FMO5: variants seen among roughly 807,000 people sequenced by gnomAD.
FMO5 encodes the protein flavin containing dimethylaniline monoxygenase 5.
A neutral mutation model predicts 43.6 loss-of-function variants in FMO5; 51 were observed. The ratio of observed to expected loss-of-function variants is 1.17; its 90% CI spans 0.93 to 1.48. FMO5 has a LOEUF of 1.48. Among genes scored for constraint, FMO5 ranks in the 40% most tolerant of loss-of-function variants. The pLI is 0.00. For missense variants in FMO5, 644 were observed against 643.0 expected, an observed-to-expected ratio of 1.00 and a Z score of -0.02; for synonymous variants, 187 against 216.5, an observed-to-expected ratio of 0.86 and a Z score of 1.20.
intron 6 of FMO5, among the ~76,000 whole-genome samples, chr1:147,207,254 T>C (rs1660259912): frequency 6.6e-6 from 1 of 152,212 alleles, no homozygotes; most frequent in African/African-American, 2.4e-5. Context: ...ATGTATGCTC[T>C]ATATGTATGG....
intron 3 of FMO5, among the ~76,000 whole-genome samples, chr1:147,214,122 C>T (rs1317143743): frequency 2.0e-5 from 3 of 152,138 alleles, no homozygotes; most frequent in East Asian, 1.9e-4. Flanking sequence ...TGTGCTTCTA[C>T]GGGCCCATGA....
intron 2 of FMO5, chr1:147,224,044 C>G (rs1251670546): frequency 7.4e-6 from 3 of 405,864 alleles, no homozygotes; most frequent in Non-Finnish European, 1.5e-5. Context: ...CGGATCCCAT[C>G]GAGCTGGTTG....
chr1:147,206,923 T>TA (rs1660195762), intron 6 of FMO5, among the ~76,000 whole-genome samples: 1 of 151,796 alleles, frequency 6.6e-6, no homozygotes, highest in South Asian at 2.1e-4. Flanking sequence ...CCCTAGAACT[T>TA]AAAGTATAAT....
chr1:147,197,853 GC>G lies in FMO5; in HGVS notation c.1183+3298del, dbSNP rs1345992210. Among the ~76,000 whole-genome samples, 4 of 152,146 alleles carry G rather than the reference GC, an allele frequency of 2.6e-5. No individual in the cohort carries two copies. The East Asian group carries it at 7.7e-4, about 29-fold the overall frequency. The stretch of plus-strand genomic sequence containing the variant: ...CTGTATGGTCATATTTGCTTCTCCA[GC>G]CCCTAGCAGAAGGCCTGGTACATAC... On this transcript the variant is annotated intron_variant, in intron 7 of 8. Transcript: ENST00000254090.
intron 7 of FMO5, among the ~76,000 whole-genome samples, chr1:147,195,813 C>T (rs1223214038): frequency 6.6e-6 from 1 of 152,098 alleles, no homozygotes; most frequent in African/African-American, 2.4e-5. Flanking sequence ...TACAAGCATT[C>T]TTTCTACAAG....
upstream of FMO5, among the ~76,000 whole-genome samples, chr1:147,226,212 G>A (rs1437619242): frequency 1.3e-5 from 2 of 151,632 alleles, no homozygotes; most frequent in Non-Finnish European, 2.9e-5. Context: ...CCTTCCTTAA[G>A]ATGATCCTGC....
chr1:147,209,782 C>G (rs781908508), intron 5 of FMO5: 1 of 152,192 alleles, frequency 6.6e-6, no homozygotes, highest in Non-Finnish European at 1.5e-5. Flanking sequence ...CACTTATCAC[C>G]TGTAGAACTC....
intron 2 of FMO5, among the ~76,000 whole-genome samples, chr1:147,218,501 G>T (rs960705970): frequency 6.6e-6 from 1 of 152,112 alleles, no homozygotes; most frequent in Non-Finnish European, 1.5e-5. Flanking sequence ...CTCCCAAAGT[G>T]CTGGGATTAC....
chr1:147,211,736 G>A (rs1661095306), intron 5 of FMO5, among the ~76,000 whole-genome samples: 1 of 152,108 alleles, frequency 6.6e-6, no homozygotes, highest in African/African-American at 2.4e-5. Flanking sequence ...TTCAAAGTCT[G>A]CTATACAAAA....
chr1:147,224,720 C>G (rs1010683166), intron 2 of FMO5, among the ~76,000 whole-genome samples, 175 bp downstream of exon 2: 29 of 152,076 alleles, frequency 1.9e-4, no homozygotes, highest in African/African-American at 5.8e-4. Flanking sequence ...CCGTGTTAGC[C>G]AGGATGGTCT....
intron 2 of FMO5, among the ~76,000 whole-genome samples, chr1:147,218,064 A>C (rs1553925395): frequency 1.3e-5 from 2 of 152,232 alleles, no homozygotes; most frequent in Admixed American, 1.3e-4. Flanking sequence ...TCTCAAAAAG[A>C]CTTCAATAAG....
rs1403078633 is a variant in FMO5 at position 147,194,378 on chromosome 1, C to T, written c.1184-4129G>A. Reference sequence around the variant, plus strand: ...TTGCTTGGTAGATCTTCCTCCATCCCTTTATTTTGAGCCTATGTGTGTCTC... The same window carrying T: ...TTGCTTGGTAGATCTTCCTCCATCCTTTTATTTTGAGCCTATGTGTGTCTC... On this transcript the variant is annotated intron_variant, in intron 7 of 8. Coordinates refer to ENST00000254090, the MANE Select transcript of FMO5 (RefSeq NM_001461.4). Among the ~76,000 whole-genome samples, 126 of 152,090 alleles carry T rather than the reference C, an allele frequency of 8.3e-4. 1 individual carries two copies. Among genetic ancestry groups the T allele is most frequent in the Non-Finnish European group, 2.1e-4 (14 of 68,016 alleles).
intron 7 of FMO5, among the ~76,000 whole-genome samples, chr1:147,192,702 T>A (rs1251369739): frequency 1.3e-5 from 2 of 152,266 alleles, no homozygotes; most frequent in South Asian, 4.1e-4. Flanking sequence ...ACCTAATTTA[T>A]TGAGAGTTTT....
chr1:147,190,186 A>G lies in FMO5; in HGVS notation c.1247T>C (p.Ile416Thr), dbSNP rs782810821. 8.1e-6 allele frequency: 13 copies of G among 1,608,012 alleles called. No individual in the cohort carries two copies. The highest frequency in any genetic ancestry group is 2.7e-5 in the African/African-American group (2 of 74,682). Residue 416 changes from isoleucine to threonine, a missense_variant, in exon 8 of 9, where the codon ATT becomes ACT. By Grantham distance (89) the Ile-to-Thr change is moderately conservative. Transcript: ENST00000254090. The stretch of plus-strand genomic sequence containing the variant: ...TGGGAGAGTTTCTTACCTTTTGTCA[A>G]TTTCCTCTTGAGCTTTAGATATTTC... Reference protein sequence around the residue: ...MAEISKAQEEIDKRYVESQRH... With the variant: ...MAEISKAQEETDKRYVESQRH...
Position 147,186,542 on chromosome 1 carries a change from C to A in FMO5, c.*358G>T. 1 of 1,005,784 alleles carries A rather than the reference C, an allele frequency of 9.9e-7. No homozygotes were observed. Among genetic ancestry groups the A allele is most frequent in the Non-Finnish European group, 1.2e-6 (1 of 843,804 alleles). 62.3% of individuals were successfully genotyped at this position (1,005,784 alleles called of 1,614,324 possible). Reference sequence around the variant, plus strand: ...GTTACGTGGAGTAAGCGATTTTATACCGATGCTGACTTACTCTCCCTACCA... The same window carrying A: ...GTTACGTGGAGTAAGCGATTTTATAACGATGCTGACTTACTCTCCCTACCA... On this transcript the variant is annotated 3_prime_UTR_variant, in exon 9 of 9. Transcript: ENST00000254090.
chr1:147,201,082 A>G (rs1658879734), intron 7 of FMO5, 70 bp downstream of exon 7: 3 of 1,127,338 alleles, frequency 2.7e-6, no homozygotes, highest in Non-Finnish European at 3.9e-6. Context: ...TAGCTATTTA[A>G]AAACAAGTAC....
intron 7 of FMO5, among the ~76,000 whole-genome samples, chr1:147,192,338 T>C (rs1657033764): frequency 6.6e-6 from 1 of 152,116 alleles, no homozygotes; most frequent in Admixed American, 6.5e-5. Context: ...ATAAGACTGC[T>C]TGTGATTTTT....
intron 2 of FMO5, among the ~76,000 whole-genome samples, chr1:147,217,683 T>C (rs953128148): frequency 6.6e-6 from 1 of 152,248 alleles, no homozygotes; most frequent in Non-Finnish European, 1.5e-5. Context: ...AAGACTCCTT[T>C]GAAGTCTCTT....
rs1803590 is a variant in FMO5 at position 147,186,543 on chromosome 1, C to G, written c.*357G>C. 2 of 1,006,218 alleles carry G rather than the reference C, an allele frequency of 2.0e-6. No homozygotes were observed. Among genetic ancestry groups the G allele is most frequent in the Non-Finnish European group, 2.4e-6 (2 of 844,198 alleles). The allele number at this position is 1,006,218 out of a possible 1,614,324, so 62.3% of individuals were successfully genotyped here. The stretch of plus-strand genomic sequence containing the variant: ...TTACGTGGAGTAAGCGATTTTATAC[C>G]GATGCTGACTTACTCTCCCTACCAT... On this transcript the variant is annotated 3_prime_UTR_variant, in exon 9 of 9. Transcript: ENST00000254090.
Sources: allele counts gnomAD v4.1 joint callset (sites outside exome capture counted in the v4.1 genomes callset), GRCh38; gene constraint gnomAD v4.1.1; transcripts MANE v1.5; gene names NCBI Gene and HGNC (gene_info 2026-07-23, HGNC 2026-07-21).